GNPDA2: variants seen among roughly 807,000 people sequenced by gnomAD.
GNPDA2 encodes glcN6P deaminase 2.
Under a neutral mutation model 27.0 loss-of-function variants are expected in GNPDA2, and 24 were observed. The observed-to-expected ratio is 0.89, with a 90% CI of 0.64 to 1.25. The LOEUF is 1.25. Among genes scored for constraint, GNPDA2 ranks in the 50% most tolerant of loss-of-function variants. The pLI is 0.00. For synonymous variants in GNPDA2, 94 were observed against 108.4 expected (o/e 0.87, Z 0.83); for missense variants, 286 against 335.1 (o/e 0.85, Z 1.14).
chr4:44,706,524 T>C (rs1457165992), intron 6 of GNPDA2: 11 of 151,982 alleles, frequency 7.2e-5, no homozygotes, highest in Admixed American at 7.2e-4. Context: ...TTCAAGATAT[T>C]TGCCATATTC....
intron 1 of GNPDA2, among the ~76,000 whole-genome samples, chr4:44,724,876 G>A (rs1164001216): frequency 2.0e-5 from 3 of 151,980 alleles, no homozygotes; most frequent in Admixed American, 2.0e-4. Flanking sequence ...TCCAACAACT[G>A]GACTCAGCCT....
chr4:44,702,259 GTAT>G lies in GNPDA2; in HGVS notation c.*819_*821del, dbSNP rs1305120214. 1.3e-5 allele frequency: 8 copies of G among 607,546 alleles called. No individual in the cohort carries two copies. Among genetic ancestry groups the G allele is most frequent in the Admixed American group, 6.4e-5 (1 of 15,724 alleles). 37.6% of individuals were successfully genotyped at this position (607,546 alleles called of 1,614,324 possible). Reference sequence around the variant, plus strand: ...CAGTAATTCCTTTTATATATACTTCGTATTATTCTTTTAGACATTTTATAAGGA... The same window carrying G: ...CAGTAATTCCTTTTATATATACTTCGTATTCTTTTAGACATTTTATAAGGA... On this transcript the variant is annotated 3_prime_UTR_variant, in exon 7 of 7. Transcript: ENST00000295448.
chr4:44,703,367 A>G, intron 6 of GNPDA2: 1 of 1,307,030 alleles, frequency 7.7e-7, no homozygotes, highest in Non-Finnish European at 9.7e-7. Context: ...GCAGATCTAG[A>G]ATGTGTACAG....
intron 6 of GNPDA2, 177 bp from the exon 7 acceptor site, chr4:44,703,319 T>C (rs1034434865): frequency 1.4e-4 from 191 of 1,386,068 alleles, no homozygotes; most frequent in Middle Eastern, 1.1e-3. Context: ...TTAAGTTTTA[T>C]CTACCTAGCA....
intron 4 of GNPDA2, among the ~76,000 whole-genome samples, chr4:44,711,783 GAAAT>G (rs1716995586): frequency 1.4e-5 from 2 of 147,032 alleles, no homozygotes; most frequent in African/African-American, 5.0e-5. Flanking sequence ...ACCCTTGTAA[GAAAT>G]AACATTTGAT....
At chr4:44,704,227 G>A (rs945006439) in intron 6 of GNPDA2, 10 of 984,106 alleles carry the variant, frequency 1.0e-5, no homozygotes, top group African/African-American at 1.7e-5. Context: ...TCCTGCAACT[G>A]CTCAACAGCC....
intron 2 of GNPDA2, among the ~76,000 whole-genome samples, chr4:44,719,077 A>C (rs916492637): frequency 9.2e-5 from 14 of 152,040 alleles, no homozygotes; most frequent in Non-Finnish European, 2.1e-4. Context: ...TTGATATGTG[A>C]AAAGATGGCG....
intron 6 of GNPDA2, chr4:44,705,373 T>C: frequency 1.0e-6 from 1 of 985,122 alleles, no homozygotes; most frequent in Non-Finnish European, 1.2e-6. Context: ...TCTGTCTTCA[T>C]ATTGAAGGAG....
At chr4:44,709,174 T>C (rs376839328) in intron 5 of GNPDA2, among the ~76,000 whole-genome samples, 12 of 152,022 alleles carry the variant, frequency 7.9e-5, no homozygotes, top group African/African-American at 2.7e-4. Flanking sequence ...AAAAGACAAC[T>C]AAACTTTTAT....
chr4:44,704,843 T>C lies in GNPDA2; in HGVS notation c.770-1701A>G, dbSNP rs184760450. 1.7e-4 allele frequency: 170 copies of C among 983,756 alleles called. 2 individuals are homozygous for C. The East Asian group carries it at 0.013, about 73-fold the overall frequency. The allele number at this position is 983,756 out of a possible 1,614,324, so 60.9% of individuals were successfully genotyped here. ...TTTGTCAAACTACTGAGGTGGAGCCTAAATACAAAGTAAGAGAAAAAAATT... is the reference window on the plus strand; with the variant it reads ...TTTGTCAAACTACTGAGGTGGAGCCCAAATACAAAGTAAGAGAAAAAAATT... On this transcript the variant is annotated intron_variant, in intron 6 of 6. Coordinates refer to ENST00000295448, the MANE Select transcript of GNPDA2 (RefSeq NM_138335.3).
At chr4:44,725,524 C>T (rs541779035) in intron 1 of GNPDA2, among the ~76,000 whole-genome samples, 74 of 152,170 alleles carry the variant, frequency 4.9e-4, no homozygotes, top group Non-Finnish European at 9.4e-4. Flanking sequence ...TTGTTAAGAA[C>T]ACCACACATC....
chr4:44,715,167 G>A (rs767472421), intron 4 of GNPDA2, among the ~76,000 whole-genome samples: 19 of 152,164 alleles, frequency 1.2e-4, no homozygotes, highest in Admixed American at 4.6e-4. Context: ...AAGTTATAAG[G>A]AAAGAGGAAA....
At chr4:44,723,011 AAAT>A (rs537281781) in intron 1 of GNPDA2, among the ~76,000 whole-genome samples, 162 of 152,362 alleles carry the variant, frequency 1.1e-3, no homozygotes, top group African/African-American at 3.7e-3. Flanking sequence ...AAAGTGAACT[AAAT>A]AAACTGCTCA....
Position 44,711,087 on chromosome 4 carries a change from C to A in GNPDA2, c.460G>T (p.Val154Leu), listed in dbSNP as rs576200531. ...AGAGTCTTTAATCTTGTCCTTGACA[C>A]TAAACTGGATCCAGGCTCATTGAAA... ...IAFNEPGSSL[V>L]SRTRLKTLAM... The change falls in exon 5 of 7, where the codon GTG becomes TTG. Residue 154 changes from valine (V) to leucine (L), a missense_variant. Coordinates refer to ENST00000295448, the MANE Select transcript of GNPDA2 (RefSeq NM_138335.3). The A allele has an allele frequency of 9.9e-6, 16 of 1,611,522 alleles. No homozygotes were observed. Among genetic ancestry groups the A allele is most frequent in the Non-Finnish European group, 1.3e-5 (15 of 1,179,112 alleles).
intron 6 of GNPDA2, chr4:44,704,972 G>C (rs1716498567): frequency 3.0e-6 from 3 of 983,868 alleles, no homozygotes; most frequent in Admixed American, 6.2e-5. Context: ...TAAACTTGTT[G>C]TCTTGTGATT....
intron 4 of GNPDA2, among the ~76,000 whole-genome samples, chr4:44,715,585 C>T (rs1173506550): frequency 6.6e-6 from 1 of 152,002 alleles, no homozygotes; most frequent in East Asian, 1.9e-4. Flanking sequence ...ATGCACCCCT[C>T]AGACACTCTC....
intron 2 of GNPDA2, among the ~76,000 whole-genome samples, chr4:44,719,434 G>A (rs756144336): frequency 6.6e-6 from 1 of 151,958 alleles, no homozygotes; most frequent in Non-Finnish European, 1.5e-5. Context: ...TGAGATGTCA[G>A]AATAGACAAG....
chr4:44,709,440 G>T (rs1716833778), intron 5 of GNPDA2, among the ~76,000 whole-genome samples: 1 of 152,090 alleles, frequency 6.6e-6, no homozygotes, highest in Non-Finnish European at 1.5e-5. Flanking sequence ...GGAATAATTT[G>T]TTATGTTTGT....
intron 2 of GNPDA2, among the ~76,000 whole-genome samples, chr4:44,720,711 G>T (rs138515749): frequency 6.6e-6 from 1 of 152,048 alleles, no homozygotes; most frequent in Non-Finnish European, 1.5e-5. Context: ...TTAACTTGTC[G>T]ATGGTCAATG....
Sources: allele counts gnomAD v4.1 joint callset (sites outside exome capture counted in the v4.1 genomes callset), GRCh38; gene constraint gnomAD v4.1.1; transcripts MANE v1.5; gene names NCBI Gene and HGNC (gene_info 2026-07-23, HGNC 2026-07-21).